RPL22L1: variants seen among roughly 807,000 people sequenced by gnomAD.
RPL22L1 encodes ribosomal protein L22 like 1.
A neutral mutation model predicts 17.3 loss-of-function variants in RPL22L1; 19 were observed. That is an observed-to-expected ratio of 1.10 (90% CI 0.77 to 1.61). RPL22L1 has a LOEUF of 1.61. Ranked by LOEUF, RPL22L1 falls within the 40% of genes most tolerant of loss-of-function variation. The pLI, the probability that RPL22L1 is intolerant of heterozygous loss-of-function variation, is 0.00. For missense variants in RPL22L1, 139 were observed against 144.4 expected (o/e 0.96, Z 0.19); for synonymous variants, 48 against 48.5 (o/e 0.99, Z 0.05).
rs187466828 is a variant in RPL22L1 at position 170,867,032 on chromosome 3, C to A, written c.225-508G>T. On this transcript the variant is annotated intron_variant, in intron 3 of 3. Transcript: ENST00000295830. ...TAATTATCTGATTATCTGTAAGATA[C>A]TTGATTTACAGCTACTACAGCTACT... Among the ~76,000 whole-genome samples the A allele has an allele frequency of 6.6e-5, 10 of 152,232 alleles. No homozygotes were observed. The East Asian group carries it at 1.9e-3, about 29-fold the overall frequency.
chr3:170,869,862 T>G (rs913452671), intron 1 of RPL22L1: 9 of 551,520 alleles, frequency 1.6e-5, no homozygotes, highest in Non-Finnish European at 2.8e-5. Context: ...TGGCTCAGAT[T>G]GCAGTACCAC....
At chr3:170,868,865 C>T (rs916769269) in intron 1 of RPL22L1, among the ~76,000 whole-genome samples, 8 of 151,118 alleles carry the variant, frequency 5.3e-5, no homozygotes, top group African/African-American at 1.5e-4. Flanking sequence ...GGCAAGGTGC[C>T]GTCCCAGCAC....
chr3:170,866,525 C>G lies in RPL22L1; in HGVS notation c.225-1G>C, dbSNP rs1474299287. The G allele has an allele frequency of 2.6e-6, 4 of 1,531,120 alleles. No homozygotes were observed. In the South Asian group the frequency reaches 4.9e-5, roughly 19 times the overall value. The allele number at this position is 1,531,120 out of a possible 1,614,324, so 94.8% of individuals were successfully genotyped here. ...TTTCTTGGTAAGGTATTTCAAATAC[C>G]TTTTAAAATAAAAACATAAATTTCA... On this transcript the variant is annotated splice_acceptor_variant, in intron 3 of 3. Transcript: ENST00000295830. LOFTEE classifies it high-confidence loss of function.
rs988507481 is a variant in RPL22L1, at chr3:170,865,606, T to C, written c.*774A>G. On this transcript the variant is annotated 3_prime_UTR_variant, in exon 4 of 4. Coordinates refer to ENST00000295830, the MANE Select transcript of RPL22L1 (RefSeq NM_001099645.2). ...GACCACAGTAGATTCTGTAGCTGAGTTGAGATTTGGTTTTGAGTTTCTGGT... is the reference window on the plus strand; with the variant it reads ...GACCACAGTAGATTCTGTAGCTGAGCTGAGATTTGGTTTTGAGTTTCTGGT... 3.3e-5 allele frequency: 5 copies of C among 152,160 alleles called. No homozygotes were observed. Among genetic ancestry groups the C allele is most frequent in the South Asian group, 2.1e-4 (1 of 4,806 alleles). The allele number at this position is 152,160 out of a possible 1,614,324, so 9.4% of individuals were successfully genotyped here.
In RPL22L1 at chr3:170,865,189, C is replaced by G. The variant is rs989531533; in HGVS notation, c.*1191G>C. 3 of 152,164 alleles carry G rather than the reference C, an allele frequency of 2.0e-5. No individual in the cohort carries two copies. The highest frequency in any genetic ancestry group is 7.2e-5 in the African/African-American group (3 of 41,444). 9.4% of individuals were successfully genotyped at this position (152,164 alleles called of 1,614,324 possible). ...GGGGGCACTTAAATTTTTAGGAAAACGAATTAAAACATTGAATTAAACAAT... is the reference window on the plus strand; with the variant it reads ...GGGGGCACTTAAATTTTTAGGAAAAGGAATTAAAACATTGAATTAAACAAT... On this transcript the variant is annotated 3_prime_UTR_variant, in exon 4 of 4. Transcript: ENST00000295830.
chr3:170,868,377 T>C lies in RPL22L1; in HGVS notation c.23A>G (p.Lys8Arg). Residue 8 changes from lysine to arginine, a missense_variant, in exon 2 of 4, where the codon AAG becomes AGG. Physicochemically the swap from Lys to Arg is conservative, Grantham distance 26. Transcript: ENST00000295830. ...AAACCTCCAGGTTGACCTCTTGGGCTTCCTGTCTTTCTGCTACATAAATGA... is the reference window on the plus strand; with the variant it reads ...AAACCTCCAGGTTGACCTCTTGGGCCTCCTGTCTTTCTGCTACATAAATGA... Reference protein sequence around the residue: MAPQKDRKPKRSTWRFNL... With the variant: MAPQKDRRPKRSTWRFNL... 1.3e-6 allele frequency: 2 copies of C among 1,595,812 alleles called. No homozygotes were observed. The highest frequency in any genetic ancestry group is 1.7e-6 in the Non-Finnish European group (2 of 1,166,258).
rs539874681 is a variant in RPL22L1 at position 170,865,256 on chromosome 3, T to C, written c.*1124A>G. ...CAAACCAATTAATGCATAGATTAGG[T>C]TGTAACTGTCCAGATATGTTTGGCG... On this transcript the variant is annotated 3_prime_UTR_variant, in exon 4 of 4. Coordinates refer to ENST00000295830, the MANE Select transcript of RPL22L1 (RefSeq NM_001099645.2). The C allele has an allele frequency of 1.1e-4, 16 of 152,092 alleles. No individual in the cohort carries two copies. Among genetic ancestry groups the C allele is most frequent in the Non-Finnish European group, 2.4e-4 (16 of 68,014 alleles). The allele number at this position is 152,092 out of a possible 1,614,324, so 9.4% of individuals were successfully genotyped here.
intron 1 of RPL22L1, chr3:170,869,903 C>A (rs1711928073): frequency 3.1e-6 from 2 of 645,448 alleles, no homozygotes; most frequent in East Asian, 6.2e-5. Context: ...CTCCCTCTTT[C>A]CCGCGTGTCC....
rs1711699328 is a variant in RPL22L1, at chr3:170,865,255, G to A, written c.*1125C>T. 1 of 152,110 alleles carries A rather than the reference G, an allele frequency of 6.6e-6. No individual in the cohort carries two copies. The highest frequency in any genetic ancestry group is 1.5e-5 in the Non-Finnish European group (1 of 68,020). 9.4% of individuals were successfully genotyped at this position (152,110 alleles called of 1,614,324 possible). On this transcript the variant is annotated 3_prime_UTR_variant, in exon 4 of 4. Coordinates refer to ENST00000295830, the MANE Select transcript of RPL22L1 (RefSeq NM_001099645.2). ...CCAAACCAATTAATGCATAGATTAGGTTGTAACTGTCCAGATATGTTTGGC... is the reference window on the plus strand; with the variant it reads ...CCAAACCAATTAATGCATAGATTAGATTGTAACTGTCCAGATATGTTTGGC...
At chr3:170,867,679 C>A (rs901107836) in intron 3 of RPL22L1, among the ~76,000 whole-genome samples, 2 of 152,132 alleles carry the variant, frequency 1.3e-5, no homozygotes, top group African/African-American at 4.8e-5. Context: ...TAACTTGAGA[C>A]AATTCTCCTA....
rs1711681533 is a variant in RPL22L1, at chr3:170,864,878, G to A, written c.*1502C>T. The A allele has an allele frequency of 6.6e-6, 1 of 152,200 alleles. No individual in the cohort carries two copies. Among genetic ancestry groups the A allele is most frequent in the South Asian group, 2.1e-4 (1 of 4,832 alleles). The allele number at this position is 152,200 out of a possible 1,614,324, so 9.4% of individuals were successfully genotyped here. A position where few individuals can be genotyped will look rare whatever the true frequency, so the allele number is the denominator to read the frequency against. On this transcript the variant is annotated 3_prime_UTR_variant, in exon 4 of 4. Transcript: ENST00000295830. Reference sequence around the variant, plus strand: ...TATAAAGTGCTCACAAACTTCATTTGCCTTCCCAGATGAAATTCCTTTTAT... The same window carrying A: ...TATAAAGTGCTCACAAACTTCATTTACCTTCCCAGATGAAATTCCTTTTAT...
intron 1 of RPL22L1, among the ~76,000 whole-genome samples, chr3:170,869,124 A>C (rs1421684375): frequency 6.6e-6 from 1 of 151,964 alleles, no homozygotes; most frequent in Non-Finnish European, 1.5e-5. Context: ...AAAAAAAAAA[A>C]AAAACCTAAA....
rs756538194 is a variant in RPL22L1 at position 170,868,157 on chromosome 3, C to T, written c.103-23G>A. The T allele has an allele frequency of 3.1e-6, 5 of 1,600,502 alleles. No homozygotes were observed. In the South Asian group the frequency reaches 4.5e-5, roughly 14 times the overall value. On this transcript the variant is annotated intron_variant, in intron 2 of 3. Coordinates refer to ENST00000295830, the MANE Select transcript of RPL22L1 (RefSeq NM_001099645.2). ...CTCCTATTTTAAAACAGAAAAAATG[C>T]AAAACTAGGGAAGAGAACCCTAGAT...
rs751661574 is a variant in RPL22L1, at chr3:170,870,161, G to A, written c.7C>T (p.Pro3Ser). 1.2e-6 allele frequency: 2 copies of A among 1,613,916 alleles called. No homozygotes were observed. Among genetic ancestry groups the A allele is most frequent in the South Asian group, 1.1e-5 (1 of 91,068 alleles). Residue 3 changes from proline to serine, a missense_variant and splice_region_variant, in exon 1 of 4, where the codon CCG becomes TCG. Pro to Ser is a moderately conservative substitution (Grantham distance 74). Transcript: ENST00000295830. ...CCACCAAGACATCGCTCACTCACCG[G>A]CGCCATCTTGCGAGTCGGCCGCGAG... Reference protein sequence around the residue: MAPQKDRKPKRST... With the variant: MASQKDRKPKRST...
intron 1 of RPL22L1, among the ~76,000 whole-genome samples, chr3:170,869,032 G>A (rs1711884359): frequency 6.7e-6 from 1 of 150,268 alleles, no homozygotes; most frequent in Admixed American, 6.6e-5. Flanking sequence ...GAGTCGGGAG[G>A]ATTGCTTGAA....
At position 170,868,002 on chromosome 3, in the gene RPL22L1, A is replaced by G. The variant is rs773305073; in HGVS notation, c.224+11T>C. The G allele has an allele frequency of 6.4e-6, 10 of 1,570,180 alleles. No individual in the cohort carries two copies. The highest frequency in any genetic ancestry group is 2.0e-4 in the Middle Eastern group (1 of 4,934). On this transcript the variant is annotated intron_variant, in intron 3 of 3. Coordinates refer to ENST00000295830, the MANE Select transcript of RPL22L1 (RefSeq NM_001099645.2). Reference sequence around the variant, plus strand: ...TACTATAGTTTTATTAAAATTTGCAAAAGTACCAACCTTTTAGAGAACTGT... The same window carrying G: ...TACTATAGTTTTATTAAAATTTGCAGAAGTACCAACCTTTTAGAGAACTGT...
Position 170,864,889 on chromosome 3 carries a change from T to C in RPL22L1, c.*1491A>G, listed in dbSNP as rs1164236389. ...CACAAACTTCATTTGCCTTCCCAGA[T>C]GAAATTCCTTTTATTAAGCCCTCCC... On this transcript the variant is annotated 3_prime_UTR_variant, in exon 4 of 4. Coordinates refer to ENST00000295830, the MANE Select transcript of RPL22L1 (RefSeq NM_001099645.2). 6.6e-6 allele frequency: 1 copy of C among 152,290 alleles called. No individual in the cohort carries two copies. The allele number at this position is 152,290 out of a possible 1,614,324, so 9.4% of individuals were successfully genotyped here. A position where few individuals can be genotyped will look rare whatever the true frequency, so the allele number is the denominator to read the frequency against.
At chr3:170,868,940 G>A (rs1278330573) in intron 1 of RPL22L1, among the ~76,000 whole-genome samples, 13 of 152,064 alleles carry the variant, frequency 8.5e-5, no homozygotes, top group African/African-American at 2.4e-4. Context: ...GGCCAACATG[G>A]TGAAACCCCA....
chr3:170,868,326 T>C lies in RPL22L1; in HGVS notation c.74A>G (p.Glu25Gly). 1 of 1,610,370 alleles carries C rather than the reference T, an allele frequency of 6.2e-7. No individual in the cohort carries two copies. Among genetic ancestry groups the C allele is most frequent in the Non-Finnish European group, 8.5e-7 (1 of 1,178,178 alleles). The change falls in exon 2 of 4, where the codon GAA (glutamate) becomes GGA (glycine). Residue 25 changes from glutamate to glycine, a missense_variant. Transcript: ENST00000295830. ...RFNLDLTHPV[E>G]DGIFDSGNFE... ...ATTTCCAGAATCAAAAATTCCATCT[T>C]CTACTGGATGAGTAAGGTCCAAATT...
Sources: allele counts gnomAD v4.1 joint callset (sites outside exome capture counted in the v4.1 genomes callset), GRCh38; gene constraint gnomAD v4.1.1; transcripts MANE v1.5; gene names NCBI Gene and HGNC (gene_info 2026-07-23, HGNC 2026-07-21).